Variants in ZNF483 observed in about 807,000 individuals in gnomAD.
ZNF483 encodes zinc finger protein 483, also known as zinc finger protein HIT-10.
A neutral mutation model predicts 28.6 loss-of-function variants in ZNF483; 9 were observed. The ratio of observed to expected loss-of-function variants is 0.32; its 90% CI spans 0.19 to 0.55. ZNF483 has a LOEUF of 0.55. ZNF483 is among the 20% of genes least tolerant of loss of function. ZNF483 has a pLI of 0.93. For missense variants in ZNF483, 675 were observed against 871.7 expected, an observed-to-expected ratio of 0.77 and a Z score of 2.84; for synonymous variants, 322 against 306.2, an observed-to-expected ratio of 1.05 and a Z score of -0.54.
intron 5 of ZNF483, among the ~76,000 whole-genome samples, chr9:111,566,389 G>T (rs979599550): frequency 6.6e-6 from 1 of 152,170 alleles, no homozygotes; most frequent in African/African-American, 2.4e-5. Flanking sequence ...AGCCCAGCCC[G>T]GCACTGCAAG....
At chr9:111,536,330 T>A (rs1364704052) in intron 5 of ZNF483, among the ~76,000 whole-genome samples, 1 of 151,374 alleles carries the variant, frequency 6.6e-6, no homozygotes, top group African/African-American at 2.4e-5. Flanking sequence ...CCATCCTGAC[T>A]AACACGGTGA....
downstream of ZNF483, among the ~76,000 whole-genome samples, chr9:111,557,263 A>G (rs573541221): frequency 1.3e-4 from 20 of 151,954 alleles, no homozygotes; most frequent in African/African-American, 4.8e-4. Context: ...AATCCCAGCT[A>G]CTTGGGAGGC....
In ZNF483 at chr9:111,546,978, G is replaced by A. The variant is rs1795405539; in HGVS notation, c.*3808G>A. Among the ~76,000 whole-genome samples the A allele has an allele frequency of 6.6e-6, 1 of 152,100 alleles. No individual in the cohort carries two copies. Among genetic ancestry groups the A allele is most frequent in the Non-Finnish European group, 1.5e-5 (1 of 67,982 alleles). ...TTTGGCTTATTCCACTTAGCATTAT[G>A]TTTTCAAGGTTCGGCCGTGTTGTAG... On this transcript the variant is annotated 3_prime_UTR_variant, in exon 6 of 6. Transcript: ENST00000309235.
At chr9:111,576,157 G>T (rs1829044652) in intron 5 of ZNF483, among the ~76,000 whole-genome samples, 1 of 149,652 alleles carries the variant, frequency 6.7e-6, no homozygotes, top group Non-Finnish European at 1.5e-5. Flanking sequence ...AGACTGGTGA[G>T]ACTGAGTCTC....
chr9:111,552,652 C>T lies in ZNF483; in HGVS notation c.*9482C>T, dbSNP rs576695798. ...CACATTTCATTGCCTTTACATGAATCGACATTGTAAATTTGGAGGTTCTTT... is the reference window on the plus strand; with the variant it reads ...CACATTTCATTGCCTTTACATGAATTGACATTGTAAATTTGGAGGTTCTTT... On this transcript the variant is annotated 3_prime_UTR_variant, in exon 6 of 6. Transcript: ENST00000309235. Among the ~76,000 whole-genome samples, 4 of 152,212 alleles carry T rather than the reference C, an allele frequency of 2.6e-5. No homozygotes were observed. The highest frequency in any genetic ancestry group is 3.4e-3 in the Middle Eastern group (1 of 294).
At position 111,543,767 on chromosome 9, in the gene ZNF483, TTTTTTTTTC is replaced by T; in HGVS notation, c.*606_*614del. 2.5e-6 allele frequency: 2 copies of T among 788,132 alleles called. No individual in the cohort carries two copies. Among genetic ancestry groups the T allele is most frequent in the Non-Finnish European group, 1.5e-6 (1 of 684,474 alleles). The allele number at this position is 788,132 out of a possible 1,614,324, so 48.8% of individuals were successfully genotyped here. ...ATTCAGGATGCTGGACTTCTTTTCTTTTTTTTTTCTTTTTTTTTTTTCAATTTTTCTTTT... is the reference window on the plus strand; with the variant it reads ...ATTCAGGATGCTGGACTTCTTTTCTTTTTTTTTTTTTTCAATTTTTCTTTT... On this transcript the variant is annotated 3_prime_UTR_variant, in exon 6 of 6. Transcript: ENST00000309235.
rs1564591312 is a variant in ZNF483 at position 111,530,816 on chromosome 9, A to ATATAT, written c.413-59_413-58insTATAT. The ATATAT allele has an allele frequency of 1.3e-4, 23 of 181,980 alleles. 1 individual carries two copies. Among genetic ancestry groups the ATATAT allele is most frequent in the Non-Finnish European group, 1.9e-4 (16 of 86,118 alleles). 11.3% of individuals were successfully genotyped at this position (181,980 alleles called of 1,614,324 possible). On this transcript the variant is annotated intron_variant, in intron 2 of 5. Coordinates refer to ENST00000309235, the MANE Select transcript of ZNF483 (RefSeq NM_133464.5). ...ATATATATATACATATATATATATA[A>ATATAT]GATTTTTAGTCTGAGGAATCTGTAT...
downstream of ZNF483, among the ~76,000 whole-genome samples, chr9:111,558,444 G>A (rs1416848916): frequency 6.6e-6 from 1 of 152,184 alleles, no homozygotes; most frequent in East Asian, 1.9e-4. Flanking sequence ...TTGGGAGGTT[G>A]AGGTAAGAGG....
At chr9:111,533,623 A>T in intron 3 of ZNF483, 116 bp from the exon 4 acceptor site, 1 of 1,030,024 alleles carries the variant, frequency 9.7e-7, no homozygotes, top group Non-Finnish European at 1.3e-6. Context: ...TGAACCATGA[A>T]GCACCACTGC....
At chr9:111,570,153 A>G in intron 5 of ZNF483, 1 of 1,614,132 alleles carries the variant, frequency 6.2e-7, no homozygotes, top group Admixed American at 1.7e-5. Flanking sequence ...TGCCAGCGGT[A>G]GACGACAAAA....
intron 2 of ZNF483, chr9:111,528,054 A>G (rs1365545095): frequency 7.0e-7 from 1 of 1,419,524 alleles, no homozygotes; most frequent in Middle Eastern, 2.2e-4. Flanking sequence ...AGGTGAGACA[A>G]GATAGGATAT....
downstream of ZNF483, among the ~76,000 whole-genome samples, chr9:111,557,244 T>C (rs1440769841): frequency 6.6e-6 from 1 of 151,864 alleles, no homozygotes; most frequent in Admixed American, 6.6e-5. Flanking sequence ...CATCATGGCA[T>C]GCACCTGTAA....
chr9:111,533,466 G>C (rs766520499), intron 3 of ZNF483, among the ~76,000 whole-genome samples: 3 of 152,084 alleles, frequency 2.0e-5, no homozygotes, highest in Non-Finnish European at 4.4e-5. Flanking sequence ...AGGATTACTT[G>C]AGCCCAAGAG....
chr9:111,570,992 C>A (rs1427359593), intron 5 of ZNF483, among the ~76,000 whole-genome samples: 1 of 152,110 alleles, frequency 6.6e-6, no homozygotes, highest in Admixed American at 6.6e-5. Flanking sequence ...AGGAAGGGGC[C>A]ACATGCCAAG....
chr9:111,567,706 G>T (rs1828626095), intron 5 of ZNF483, among the ~76,000 whole-genome samples: 1 of 152,146 alleles, frequency 6.6e-6, no homozygotes. Context: ...CATAAGAACG[G>T]CAGGATTTGA....
chr9:111,567,554 G>A (rs2132335482), intron 5 of ZNF483, among the ~76,000 whole-genome samples: 1 of 150,742 alleles, frequency 6.6e-6, no homozygotes, highest in African/African-American at 2.5e-5. Context: ...AGGGGTGGAG[G>A]AGACTGGGCC....
At chr9:111,535,086 A>G (rs922494271) in intron 5 of ZNF483, among the ~76,000 whole-genome samples, 8 of 152,218 alleles carry the variant, frequency 5.3e-5, no homozygotes, top group Non-Finnish European at 1.0e-4. Flanking sequence ...GTTACCTATC[A>G]GAGGAGTCCT....
rs530408969 is a variant in ZNF483 at position 111,569,905 on chromosome 9, G to A, written c.722-6460G>A. On this transcript the variant is annotated intron_variant, in intron 5 of 5. Transcript: ENST00000358151. ...TGCAGTGGAAATGAACTTTAGAGAG[G>A]GTTGTTTTGTTTTCCTTTCAAAGAT... 4 of 913,330 alleles carry A rather than the reference G, an allele frequency of 4.4e-6. No individual in the cohort carries two copies. In the African/African-American group the frequency reaches 5.0e-5, roughly 11 times the overall value. The allele number at this position is 913,330 out of a possible 1,614,324, so 56.6% of individuals were successfully genotyped here.
intron 3 of ZNF483, among the ~76,000 whole-genome samples, chr9:111,532,908 CAA>C (rs35437740): frequency 9.4e-5 from 8 of 84,758 alleles, no homozygotes; most frequent in Admixed American, 1.3e-4. Context: ...GACTCCGTCT[CAA>C]AAAAAAAAAA....
Sources: gnomAD v4.1 joint callset for allele counts (sites outside exome capture counted in the v4.1 genomes callset) on GRCh38, gnomAD v4.1.1 for gene constraint, MANE v1.5 for transcripts, NCBI Gene and HGNC (gene_info 2026-07-23, HGNC 2026-07-21) for gene names.